ADAM9: variants seen among roughly 807,000 people sequenced by gnomAD.
ADAM9 encodes ADAM metallopeptidase domain 9.
Under a neutral mutation model 108.1 loss-of-function variants are expected in ADAM9, and 54 were observed. The ratio of observed to expected loss-of-function variants is 0.50; its 90% confidence interval spans 0.40 to 0.63. The LOEUF (loss-of-function observed/expected upper bound fraction) is 0.63, where lower values mean the gene tolerates loss of function less well. Among genes scored for constraint, ADAM9 ranks in the 20% least tolerant of loss-of-function variants. ADAM9 has a pLI of 0.00. For synonymous variants in ADAM9, 316 were observed against 336.0 expected (o/e 0.94, Z 0.65); for missense variants, 830 against 997.7 (o/e 0.83, Z 2.26).
At chr8:39,019,513 TG>T (rs1375138154) in intron 7 of ADAM9, among the ~76,000 whole-genome samples, 1 of 152,236 alleles carries the variant, frequency 6.6e-6, no homozygotes, top group Non-Finnish European at 1.5e-5. Flanking sequence ...TTAGAGATAA[TG>T]GCTGTATAAT....
chr8:39,055,025 C>T (rs1289720258), intron 13 of ADAM9, among the ~76,000 whole-genome samples: 1 of 151,978 alleles, frequency 6.6e-6, no homozygotes, highest in Non-Finnish European at 1.5e-5. Context: ...AATATGACAC[C>T]ATGGACTTTT....
At position 39,097,166 on chromosome 8, in the gene ADAM9, G is replaced by C. The variant is rs529945628; in HGVS notation, c.2299-4697G>C. ...AGGAGGACTTACGCTACTCAGCCTG[G>C]CTAGAGATTCTGGTAGCCTCTCAAA... On this transcript the variant is annotated intron_variant, in intron 20 of 21. Coordinates refer to ENST00000487273, the MANE Select transcript of ADAM9 (RefSeq NM_003816.3). 7.9e-5 allele frequency among the ~76,000 whole-genome samples: 12 copies of C among 152,238 alleles called. No individual in the cohort carries two copies. In the South Asian group the frequency reaches 2.3e-3, roughly 29 times the overall value.
At chr8:39,099,694 A>G (rs1243188324) in intron 20 of ADAM9, among the ~76,000 whole-genome samples, 7 of 152,208 alleles carry the variant, frequency 4.6e-5, no homozygotes, top group African/African-American at 1.7e-4. Flanking sequence ...TTAATTGGCA[A>G]ATCATAGTTG....
intron 19 of ADAM9, 100 bp from the exon 20 acceptor site, chr8:39,091,159 A>AC: frequency 9.0e-7 from 1 of 1,116,936 alleles, no homozygotes; most frequent in Non-Finnish European, 1.4e-6. Context: ...ACCACTACCA[A>AC]CATCATTATT....
chr8:39,018,393 T>C (rs1836616911), intron 6 of ADAM9, among the ~76,000 whole-genome samples: 1 of 152,234 alleles, frequency 6.6e-6, no homozygotes, highest in South Asian at 2.1e-4. Flanking sequence ...AACCTTATTC[T>C]AACTTCTGCT....
intron 11 of ADAM9, among the ~76,000 whole-genome samples, chr8:39,032,687 A>G (rs907960227): frequency 1.3e-5 from 2 of 152,164 alleles, no homozygotes; most frequent in Non-Finnish European, 1.5e-5. Context: ...CCACTGTCCA[A>G]CCAGTCCCAA....
intron 2 of ADAM9, 45 bp from the exon 3 acceptor site, chr8:39,011,613 A>G (rs1836356957): frequency 6.4e-7 from 1 of 1,552,048 alleles, no homozygotes; most frequent in Non-Finnish European, 8.9e-7. Flanking sequence ...TTGAAAAGTA[A>G]TTTTTAAGAT....
Position 39,026,826 on chromosome 8 carries a change from C to CTTTT in ADAM9, c.1130+18_1130+19insTTTT, listed in dbSNP as rs767180946. The CTTTT allele has an allele frequency of 6.2e-7, 1 of 1,603,014 alleles. No individual in the cohort carries two copies. Among genetic ancestry groups the CTTTT allele is most frequent in the Non-Finnish European group, 8.5e-7 (1 of 1,176,110 alleles). ...CAGGAGCATCGTGAGTACCTGGGTTCTTCTTCTCCTTTATTTGGTATTGTA... is the reference window on the plus strand; with the variant it reads ...CAGGAGCATCGTGAGTACCTGGGTTCTTTTTTCTTCTCCTTTATTTGGTATTGTA... On this transcript the variant is annotated intron_variant, in intron 11 of 21. Transcript: ENST00000487273.
rs145426377 is a variant in ADAM9, at chr8:39,045,018, ATG to A, written c.1302+2910_1302+2911del. On this transcript the variant is annotated intron_variant, in intron 12 of 21. Coordinates refer to ENST00000487273, the MANE Select transcript of ADAM9 (RefSeq NM_003816.3). ...TGTGCACACATACCTATGTATGTGT[ATG>A]TGTGTGTGCATACATACATATGTAT... Among the ~76,000 whole-genome samples, 26 of 97,656 alleles carry A rather than the reference ATG, an allele frequency of 2.7e-4. 4 individuals are homozygous for A. The highest frequency in any genetic ancestry group is 7.2e-4 in the African/African-American group (15 of 20,836). 64.1% of individuals were successfully genotyped at this position (97,656 alleles called of 152,430 possible). A position where few individuals can be genotyped will look rare whatever the true frequency, so the allele number is the denominator to read the frequency against.
In ADAM9 at chr8:39,023,291, A is replaced by G. The variant is rs1266058904; in HGVS notation, c.880A>G (p.Thr294Ala). 1 of 1,613,156 alleles carries G rather than the reference A, an allele frequency of 6.2e-7. No homozygotes were observed. Among genetic ancestry groups the G allele is most frequent in the Non-Finnish European group, 8.5e-7 (1 of 1,179,618 alleles). ...FVQWREKFLI[T>A]RRRHDSAQLV... ...GCAGTGGCGGGAAAAGTTTCTTATCACACGTCGGAGACATGACAGTGCACA... is the reference window on the plus strand; with the variant it reads ...GCAGTGGCGGGAAAAGTTTCTTATCGCACGTCGGAGACATGACAGTGCACA... Residue 294 changes from threonine (T) to alanine (A), a missense_variant, in exon 9 of 22, where the codon ACA becomes GCA. By Grantham distance (58) the Thr-to-Ala change is moderately conservative. Around this residue, in one of 3 missense-constraint regions of ADAM9, gnomAD observed 381 missense variants for 539.8 expected, o/e 0.71. Transcript: ENST00000487273.
chr8:39,053,994 C>A (rs1466832374), intron 12 of ADAM9, among the ~76,000 whole-genome samples: 2 of 152,038 alleles, frequency 1.3e-5, no homozygotes, highest in African/African-American at 4.8e-5. Context: ...AGGATGGGGC[C>A]CTGATCCACT....
chr8:39,045,407 T>C lies in ADAM9; in HGVS notation c.1302+3290T>C, dbSNP rs535715297. On this transcript the variant is annotated intron_variant, in intron 12 of 21. Coordinates refer to ENST00000487273, the MANE Select transcript of ADAM9 (RefSeq NM_003816.3). ...ATAGGTGTGTGTACACACACCTATA[T>C]GTGCGCGTGTGTACACACACCTATA... Among the ~76,000 whole-genome samples, 17 of 134,076 alleles carry C rather than the reference T, an allele frequency of 1.3e-4. 1 individual carries two copies. The highest frequency in any genetic ancestry group is 2.0e-4 in the Non-Finnish European group (13 of 64,660). The allele number at this position is 134,076 out of a possible 152,430, so 88.0% of individuals were successfully genotyped here.
intron 12 of ADAM9, among the ~76,000 whole-genome samples, chr8:39,047,988 T>C (rs1307182592): frequency 1.3e-5 from 2 of 152,020 alleles, no homozygotes; most frequent in African/African-American, 2.4e-5. Flanking sequence ...TGGGGCAATC[T>C]TGGCTCATTG....
intron 7 of ADAM9, among the ~76,000 whole-genome samples, chr8:39,020,158 G>A (rs892427358): frequency 2.6e-5 from 4 of 152,052 alleles, no homozygotes; most frequent in Non-Finnish European, 4.4e-5. Context: ...GGTGGCGGGC[G>A]CCTGTGATCC....
chr8:39,032,978 T>G (rs1237029201), intron 11 of ADAM9, among the ~76,000 whole-genome samples: 1 of 152,230 alleles, frequency 6.6e-6, no homozygotes, highest in Non-Finnish European at 1.5e-5. Context: ...TTTGCTGGGA[T>G]TTTGATTAGG....
chr8:39,103,007 C>T (rs563032065), intron 21 of ADAM9, among the ~76,000 whole-genome samples: 4 of 152,242 alleles, frequency 2.6e-5, no homozygotes, highest in South Asian at 2.1e-4. Context: ...CATTGAAATC[C>T]GACTGAGGAT....
intron 18 of ADAM9, among the ~76,000 whole-genome samples, chr8:39,087,523 AT>A (rs947382789): frequency 3.3e-5 from 5 of 152,232 alleles, no homozygotes; most frequent in Non-Finnish European, 1.5e-5. Context: ...CACTGTTAAC[AT>A]TGTAGTGTAC....
intron 20 of ADAM9, among the ~76,000 whole-genome samples, chr8:39,093,630 T>G (rs755751417): frequency 1.3e-5 from 2 of 152,206 alleles, no homozygotes; most frequent in African/African-American, 2.4e-5. Context: ...CTATATTGAG[T>G]AGAAGTGGTA....
intron 14 of ADAM9, among the ~76,000 whole-genome samples, chr8:39,061,214 G>A (rs900940459): frequency 6.6e-6 from 1 of 152,198 alleles, no homozygotes; most frequent in Non-Finnish European, 1.5e-5. Flanking sequence ...GGCAGTTCTA[G>A]TGGGTTCCAC....
Sources: gnomAD v4.1 joint callset for allele counts (sites outside exome capture counted in the v4.1 genomes callset) on GRCh38, gnomAD v4.1.1 for gene constraint, gnomAD v4.1.1 regional missense constraint, MANE v1.5 for transcripts, NCBI Gene and HGNC (gene_info 2026-07-23, HGNC 2026-07-21) for gene names.